Variants in BCL2 observed in about 807,000 individuals in gnomAD.
The protein encoded by BCL2 is apoptosis regulator Bcl-2.
Under a neutral mutation model 14.2 loss-of-function variants are expected in BCL2, and 1 was observed. The observed-to-expected ratio is 0.07, with a 90% CI of 0.02 to 0.33. The LOEUF (loss-of-function observed/expected upper bound fraction) is 0.33, where lower values mean the gene tolerates loss of function less well. Among genes scored for constraint, BCL2 ranks in the 10% least tolerant of loss-of-function variants. The probability of loss-of-function intolerance (pLI) is 0.99; values close to 1 mark genes in which losing one functional copy is unlikely to be tolerated. For synonymous variants in BCL2, 151 were observed against 137.2 expected, an observed-to-expected ratio of 1.10 and a Z score of -0.70; for missense variants, 247 against 305.9, an observed-to-expected ratio of 0.81 and a Z score of 1.44.
intron 2 of BCL2, among the ~76,000 whole-genome samples, chr18:63,306,885 G>C (rs1138828): frequency 6.1e-5 from 9 of 148,232 alleles, no homozygotes; most frequent in African/African-American, 2.3e-4. Flanking sequence ...TCGTGTTAGC[G>C]TATTTTACGT....
intron 2 of BCL2, among the ~76,000 whole-genome samples, chr18:63,278,499 T>A (rs1912221743): frequency 6.6e-6 from 1 of 152,240 alleles, no homozygotes; most frequent in African/African-American, 2.4e-5. Context: ...CCCTAACTCT[T>A]GATATCTTAT....
At chr18:63,218,727 C>T (rs1910289008) in intron 2 of BCL2, among the ~76,000 whole-genome samples, 2 of 7,924 alleles carry the variant, frequency 2.5e-4, no homozygotes, top group Non-Finnish European at 6.2e-4. Context: ...CACTCCTCCC[C>T]ATCCTCCACT....
intron 2 of BCL2, among the ~76,000 whole-genome samples, chr18:63,233,290 A>G (rs1370498735): frequency 6.6e-6 from 1 of 152,262 alleles, no homozygotes; most frequent in East Asian, 1.9e-4. Context: ...TTAGCTCTAC[A>G]TACATTAATT....
At chr18:63,285,639 T>C (rs556050245) in intron 2 of BCL2, among the ~76,000 whole-genome samples, 20 of 152,208 alleles carry the variant, frequency 1.3e-4, no homozygotes, top group African/African-American at 4.8e-4. Flanking sequence ...AGCCATGTGG[T>C]ACGGTTCTTA....
At chr18:63,272,823 TC>T (rs1370403077) in intron 2 of BCL2, among the ~76,000 whole-genome samples, 1 of 152,212 alleles carries the variant, frequency 6.6e-6, no homozygotes, top group Non-Finnish European at 1.5e-5. Flanking sequence ...CAAACTCAAT[TC>T]CCTTCTCTAT....
chr18:63,267,565 C>T (rs1019186887), intron 2 of BCL2, among the ~76,000 whole-genome samples: 6 of 152,030 alleles, frequency 3.9e-5, no homozygotes, highest in South Asian at 2.1e-4. Context: ...AAGGAAGTGG[C>T]GGAGGGAGTA....
chr18:63,303,573 T>C (rs1304724951), intron 2 of BCL2, among the ~76,000 whole-genome samples: 1 of 152,178 alleles, frequency 6.6e-6, no homozygotes, highest in Non-Finnish European at 1.5e-5. Context: ...TGAACATCAC[T>C]TGGATTGCCT....
rs146874575 is a variant in BCL2, at chr18:63,271,529, G to A, written c.585+46553C>T. ...TCAATGAAAATAGCTCTAAAAGGAT[G>A]GATGAACTCGCCGATTCAACTTTAG... On this transcript the variant is annotated intron_variant, in intron 2 of 2. Transcript: ENST00000333681. Among the ~76,000 whole-genome samples, 199 of 152,288 alleles carry A rather than the reference G, an allele frequency of 1.3e-3. 2 individuals are homozygous for A. Among genetic ancestry groups the A allele is most frequent in the African/African-American group, 4.5e-3 (188 of 41,564 alleles).
chr18:63,280,794 A>G (rs968401416), intron 2 of BCL2, among the ~76,000 whole-genome samples: 1 of 152,192 alleles, frequency 6.6e-6, no homozygotes, highest in Admixed American at 6.5e-5. Context: ...AAAAATTAAA[A>G]ATAGAATTAC....
intron 2 of BCL2, among the ~76,000 whole-genome samples, chr18:63,256,550 G>A (rs1024659561): frequency 1.3e-5 from 2 of 152,186 alleles, no homozygotes; most frequent in Non-Finnish European, 1.5e-5. Context: ...CAGTGAAAGC[G>A]TGACTTACTC....
intron 2 of BCL2, among the ~76,000 whole-genome samples, chr18:63,183,758 A>G (rs1706206565): frequency 6.6e-6 from 1 of 152,170 alleles, no homozygotes. Flanking sequence ...TTGTATATGG[A>G]CATCTGTAAT....
At chr18:63,163,801 A>C (rs1024345966) in intron 2 of BCL2, among the ~76,000 whole-genome samples, 2 of 152,240 alleles carry the variant, frequency 1.3e-5, no homozygotes, top group African/African-American at 4.8e-5. Flanking sequence ...ACATGAGGAG[A>C]TCAAAGTATT....
At chr18:63,312,538 G>A (rs1007432443) in intron 2 of BCL2, among the ~76,000 whole-genome samples, 1 of 152,152 alleles carries the variant, frequency 6.6e-6, no homozygotes, top group Admixed American at 6.5e-5. Context: ...CCATTTAAAC[G>A]AACAGACCAC....
intron 2 of BCL2, among the ~76,000 whole-genome samples, chr18:63,245,128 C>T (rs1381055587): frequency 6.6e-6 from 1 of 152,144 alleles, no homozygotes; most frequent in Non-Finnish European, 1.5e-5. Context: ...GAGAAATGTG[C>T]CAAACGCTCC....
Position 63,319,620 on chromosome 18 carries a change from C to G in BCL2, c.-733G>C, listed in dbSNP as rs746970168. ...CAGGGGAGAGGGGACGATGAAGGAG[C>G]CGGGGACGGAGGCAGGAATCCTCTT... is the stretch of plus-strand genomic sequence containing the variant. On this transcript the variant is annotated 5_prime_UTR_variant, in exon 1 of 3. Coordinates refer to ENST00000333681, the MANE Select transcript of BCL2 (RefSeq NM_000633.3). 2.9e-4 allele frequency: 64 copies of G among 224,454 alleles called. No homozygotes were observed. The highest frequency in any genetic ancestry group is 5.0e-4 in the Non-Finnish European group (56 of 112,526). 13.9% of individuals were successfully genotyped at this position (224,454 alleles called of 1,614,324 possible). A position where few individuals can be genotyped will look rare whatever the true frequency, so the allele number is the denominator to read the frequency against.
chr18:63,157,001 C>T (rs1432033755), intron 2 of BCL2, among the ~76,000 whole-genome samples: 1 of 152,222 alleles, frequency 6.6e-6, no homozygotes, highest in Non-Finnish European at 1.5e-5. Context: ...AATCTGGGGC[C>T]ACCCTTTTTC....
rs1214353705 is a variant in BCL2, at chr18:63,127,038, T to G, written c.*1587A>C. ...CTTTATAGTTCCCCACCATTGATTT[T>G]TTTTTTAATGCCCCAGGATGTACAG... is the stretch of plus-strand genomic sequence containing the variant. On this transcript the variant is annotated 3_prime_UTR_variant, in exon 3 of 3. Coordinates refer to ENST00000333681, the MANE Select transcript of BCL2 (RefSeq NM_000633.3). 1 of 228,168 alleles carries G rather than the reference T, an allele frequency of 4.4e-6. No individual in the cohort carries two copies. Among genetic ancestry groups the G allele is most frequent in the Non-Finnish European group, 8.7e-6 (1 of 114,896 alleles). 14.1% of individuals were successfully genotyped at this position (228,168 alleles called of 1,614,324 possible).
chr18:63,297,481 C>T (rs930600240), intron 2 of BCL2, among the ~76,000 whole-genome samples: 13 of 152,296 alleles, frequency 8.5e-5, no homozygotes, highest in South Asian at 6.2e-4. Flanking sequence ...GCCACAGCCA[C>T]GGCACTGGAG....
Position 63,169,409 on chromosome 18 carries a change from T to C in BCL2, c.586-40650A>G, listed in dbSNP as rs1391959341. Among the ~76,000 whole-genome samples the C allele has an allele frequency of 3.5e-5, 4 of 112,738 alleles. 1 individual carries two copies. Among genetic ancestry groups the C allele is most frequent in the South Asian group, 3.1e-4 (1 of 3,200 alleles). 74.0% of individuals were successfully genotyped at this position (112,738 alleles called of 152,430 possible). On this transcript the variant is annotated intron_variant, in intron 2 of 2. Transcript: ENST00000333681. ...TTTCTTTTTCTTTCTTTCTTTTTCTTTCTCTCTCTCTCTCTCTCTTTCTTT... is the reference window on the plus strand; with the variant it reads ...TTTCTTTTTCTTTCTTTCTTTTTCTCTCTCTCTCTCTCTCTCTCTTTCTTT...
Sources: allele counts gnomAD v4.1 joint callset (sites outside exome capture counted in the v4.1 genomes callset), GRCh38; gene constraint gnomAD v4.1.1; transcripts MANE v1.5; gene names NCBI Gene and HGNC (gene_info 2026-07-23, HGNC 2026-07-21).